The following ALDH1A2 variants were observed in gnomAD, a reference collection of about 807,000 sequenced individuals.
The protein encoded by ALDH1A2 is retinal dehydrogenase 2.
In ALDH1A2, 27 loss-of-function variants were observed where a neutral mutation model predicts 60.3. The ratio of observed to expected loss-of-function variants is 0.45; its 90% CI spans 0.33 to 0.62. The LOEUF (loss-of-function observed/expected upper bound fraction) is 0.62, where lower values mean the gene tolerates loss of function less well. Ranked by LOEUF, ALDH1A2 falls within the 20% of genes least tolerant of loss-of-function variation. ALDH1A2 has a pLI of 0.02. For synonymous variants in ALDH1A2, 289 were observed against 232.4 expected, an observed-to-expected ratio of 1.24 and a Z score of -2.21; for missense variants, 581 against 643.8, an observed-to-expected ratio of 0.90 and a Z score of 1.06.
intron 1 of ALDH1A2, among the ~76,000 whole-genome samples, chr15:58,021,119 T>C (rs1404280684): frequency 6.6e-6 from 1 of 152,162 alleles, no homozygotes; most frequent in Admixed American, 6.5e-5. Context: ...ACTATATCTT[T>C]ATTATTTTGA....
chr15:58,036,483 A>T (rs1896381146), intron 1 of ALDH1A2: 1 of 151,594 alleles, frequency 6.6e-6, no homozygotes, highest in Non-Finnish European at 1.5e-5. Flanking sequence ...TTGAAATGCA[A>T]CCACTTTTTA....
chr15:58,033,625 C>T (rs779035195), intron 1 of ALDH1A2, among the ~76,000 whole-genome samples: 1 of 150,614 alleles, frequency 6.6e-6, no homozygotes, highest in Non-Finnish European at 1.5e-5. Flanking sequence ...TCTCAATTAA[C>T]TCAATATTAA....
intron 4 of ALDH1A2, among the ~76,000 whole-genome samples, chr15:58,005,939 T>G (rs1895436643): frequency 6.6e-6 from 1 of 151,848 alleles, no homozygotes; most frequent in Non-Finnish European, 1.5e-5. Context: ...AGGACTTGCC[T>G]ACTACCTAAA....
chr15:57,994,709 AATAAT>A (rs1367407414), intron 5 of ALDH1A2, among the ~76,000 whole-genome samples: 1 of 152,184 alleles, frequency 6.6e-6, no homozygotes, highest in Admixed American at 6.6e-5. Context: ...GATCATATAA[AATAAT>A]ATGCCTGGAA....
chr15:57,975,508 C>G (rs1414918005), intron 7 of ALDH1A2, among the ~76,000 whole-genome samples: 1 of 151,632 alleles, frequency 6.6e-6, no homozygotes, highest in Non-Finnish European at 1.5e-5. Context: ...TCTGGAAATC[C>G]AAAATCCAAA....
At chr15:58,053,640 T>G (rs1048184553) in intron 1 of ALDH1A2, among the ~76,000 whole-genome samples, 1 of 152,206 alleles carries the variant, frequency 6.6e-6, no homozygotes, top group Non-Finnish European at 1.5e-5. Context: ...AATCACTGTT[T>G]TGTGTACTTC....
At chr15:57,965,009 G>A (rs562850342) in intron 8 of ALDH1A2, among the ~76,000 whole-genome samples, 2 of 151,064 alleles carry the variant, frequency 1.3e-5, no homozygotes, top group Non-Finnish European at 2.9e-5. Context: ...GCAACAAGTG[G>A]AGGGAAAAAA....
intron 7 of ALDH1A2, among the ~76,000 whole-genome samples, chr15:57,970,899 T>C (rs1323472923): frequency 6.6e-6 from 1 of 152,218 alleles, no homozygotes; most frequent in East Asian, 1.9e-4. Context: ...GTGTTGGGAA[T>C]AGAAATGCCA....
rs374892054 is a variant in ALDH1A2, at chr15:58,010,788, G to A, written c.364-10C>T. The A allele has an allele frequency of 2.1e-5, 34 of 1,612,634 alleles. No homozygotes were observed. In the African/African-American group the frequency reaches 4.0e-4, roughly 19 times the overall value. ...TTAGGGATTCCATGGTCTGTTGGAA[G>A]AGAAATGGAGAGATACTAAGTCCCC... On this transcript the variant is annotated splice_polypyrimidine_tract_variant and intron_variant, in intron 3 of 12. Coordinates refer to ENST00000249750, the MANE Select transcript of ALDH1A2 (RefSeq NM_003888.4).
intron 7 of ALDH1A2, among the ~76,000 whole-genome samples, chr15:57,979,416 G>A (rs540351350): frequency 1.3e-5 from 2 of 152,336 alleles, no homozygotes; most frequent in East Asian, 1.9e-4. Flanking sequence ...TTCCCTCCAA[G>A]CCCAGGTCTC....
rs538317839 is a variant in ALDH1A2, at chr15:58,008,414, A to G, written c.493+2235T>C. On this transcript the variant is annotated intron_variant, in intron 4 of 12. Transcript: ENST00000249750. ...TAGATAAGCATCCACAGGATCTCCA[A>G]AACGCATCAGATGAAAACAGTGAGG... Among the ~76,000 whole-genome samples, 3 of 152,208 alleles carry G rather than the reference A, an allele frequency of 2.0e-5. No individual in the cohort carries two copies. The South Asian group carries it at 6.2e-4, about 32-fold the overall frequency.
chr15:58,032,235 C>T (rs1896258932), intron 1 of ALDH1A2, among the ~76,000 whole-genome samples: 1 of 152,030 alleles, frequency 6.6e-6, no homozygotes, highest in African/African-American at 2.4e-5. Flanking sequence ...AACCATCATT[C>T]TCAGCAAACT....
chr15:58,057,113 G>A (rs1472213870), intron 1 of ALDH1A2, among the ~76,000 whole-genome samples: 1 of 152,072 alleles, frequency 6.6e-6, no homozygotes, highest in Admixed American at 6.6e-5. Flanking sequence ...GAGGAGACAT[G>A]ATCAGGAATG....
At chr15:58,019,963 C>A (rs1258430272) in intron 1 of ALDH1A2, among the ~76,000 whole-genome samples, 1 of 151,980 alleles carries the variant, frequency 6.6e-6, no homozygotes, top group African/African-American at 2.4e-5. Flanking sequence ...GCTTTTTTAT[C>A]CTGATGCTCT....
intron 1 of ALDH1A2, among the ~76,000 whole-genome samples, chr15:58,032,594 A>C (rs1331090696): frequency 1.3e-5 from 2 of 152,110 alleles, no homozygotes; most frequent in Admixed American, 6.6e-5. Context: ...AAACTAATAC[A>C]ACCACTATGG....
chr15:57,988,407 T>C (rs1419663178), intron 7 of ALDH1A2, among the ~76,000 whole-genome samples: 2 of 152,294 alleles, frequency 1.3e-5, no homozygotes, highest in Middle Eastern at 3.4e-3. Flanking sequence ...AGGGAAAATA[T>C]GGACAAAGAG....
At chr15:57,977,389 G>C (rs964569571) in intron 7 of ALDH1A2, among the ~76,000 whole-genome samples, 50 of 152,156 alleles carry the variant, frequency 3.3e-4, no homozygotes, top group Non-Finnish European at 8.8e-5. Context: ...TTACGTTTAA[G>C]TCTTTAATCC....
chr15:57,976,790 T>C (rs576192016), intron 7 of ALDH1A2, among the ~76,000 whole-genome samples: 10 of 152,196 alleles, frequency 6.6e-5, no homozygotes, highest in Admixed American at 3.3e-4. Context: ...AGTAATGCGA[T>C]TGTTGGGTCA....
chr15:57,958,877 C>A (rs1245804075), intron 12 of ALDH1A2, among the ~76,000 whole-genome samples: 5 of 152,144 alleles, frequency 3.3e-5, no homozygotes, highest in Non-Finnish European at 7.3e-5. Flanking sequence ...CATCAAAGAA[C>A]AGCATTTCCT....
Sources: allele counts gnomAD v4.1 joint callset (sites outside exome capture counted in the v4.1 genomes callset), GRCh38; gene constraint gnomAD v4.1.1; transcripts MANE v1.5; gene names NCBI Gene and HGNC (gene_info 2026-07-23, HGNC 2026-07-21).